TRIM48: variants seen among roughly 807,000 people sequenced by gnomAD.
TRIM48 encodes E3 ubiquitin-protein ligase TRIM48.
In TRIM48, 31 loss-of-function variants were observed where a neutral mutation model predicts 29.5. The ratio of observed to expected loss-of-function variants is 1.05; its 90% CI spans 0.79 to 1.42. The LOEUF (loss-of-function observed/expected upper bound fraction) is 1.42, where lower values mean the gene tolerates loss of function less well. Among genes scored for constraint, TRIM48 ranks in the 40% most tolerant of loss-of-function variants. The pLI is 0.00. For missense variants in TRIM48, 344 were observed against 265.0 expected (o/e 1.30, Z -2.07); for synonymous variants, 128 against 90.6 (o/e 1.41, Z -2.34).
In TRIM48 at chr11:55,269,355, C is replaced by A. The variant is rs377189577; in HGVS notation, c.*1+16C>A. 6.4e-6 allele frequency: 10 copies of A among 1,569,938 alleles called. No individual in the cohort carries two copies. The highest frequency in any genetic ancestry group is 8.6e-6 in the Non-Finnish European group (10 of 1,163,706). ...CAATTCTGAGGTAAGTCTCCACCCACAGGCAGCACCCCCACTATCTAAATA... is the reference window on the plus strand; with the variant it reads ...CAATTCTGAGGTAAGTCTCCACCCAAAGGCAGCACCCCCACTATCTAAATA... On this transcript the variant is annotated intron_variant, in intron 5 of 5. Transcript: ENST00000417545.
At chr11:55,266,984 C>T (rs563082469) in intron 3 of TRIM48, among the ~76,000 whole-genome samples, 5 of 147,764 alleles carry the variant, frequency 3.4e-5, no homozygotes, top group Admixed American at 6.9e-5. Flanking sequence ...ATGCATTTAG[C>T]TGGACATGTT....
chr11:55,266,728 T>C (rs960530605), intron 3 of TRIM48, among the ~76,000 whole-genome samples: 1 of 147,486 alleles, frequency 6.8e-6, no homozygotes, highest in Non-Finnish European at 1.5e-5. Flanking sequence ...AAAGTGTGTA[T>C]GGATATATAT....
rs192227388 is a variant in TRIM48, at chr11:55,270,536, A to T, written c.*101A>T. The T allele has an allele frequency of 6.3e-7, 1 of 1,582,472 alleles. No homozygotes were observed. The highest frequency in any genetic ancestry group is 1.7e-5 in the Admixed American group (1 of 58,330). On this transcript the variant is annotated 3_prime_UTR_variant, in exon 6 of 6. Coordinates refer to ENST00000417545, the MANE Select transcript of TRIM48 (RefSeq NM_024114.5). Reference sequence around the variant, plus strand: ...GGATGTGACCGTCAAAATCCGCCCCATATCACTGCAACACCTACAAGTTTT... The same window carrying T: ...GGATGTGACCGTCAAAATCCGCCCCTTATCACTGCAACACCTACAAGTTTT...
At position 55,262,169 on chromosome 11, in the gene TRIM48, G is replaced by A. The variant is rs1857311105; in HGVS notation, c.-99G>A. ...GAGACAAGCTCAGTTTTCTCCAAAGGAGAAGGAGTGCACTTAGAGGGAGCT... is the reference window on the plus strand; with the variant it reads ...GAGACAAGCTCAGTTTTCTCCAAAGAAGAAGGAGTGCACTTAGAGGGAGCT... On this transcript the variant is annotated 5_prime_UTR_variant, in exon 1 of 6. Transcript: ENST00000417545. The A allele has an allele frequency of 1.1e-6, 1 of 905,994 alleles. No homozygotes were observed. Among genetic ancestry groups the A allele is most frequent in the Non-Finnish European group, 1.8e-6 (1 of 561,692 alleles). 56.1% of individuals were successfully genotyped at this position (905,994 alleles called of 1,614,324 possible).
Position 55,269,094 on chromosome 11 carries a change from G to A in TRIM48, c.579-148G>A, listed in dbSNP as rs554621098. The A allele has an allele frequency of 4.7e-6, 6 of 1,278,938 alleles. No individual in the cohort carries two copies. In the Admixed American group the frequency reaches 1.1e-4, roughly 24 times the overall value. 79.2% of individuals were successfully genotyped at this position (1,278,938 alleles called of 1,614,324 possible). On this transcript the variant is annotated intron_variant, in intron 4 of 5. Transcript: ENST00000417545. ...CTTTAAAATTTGGAAACTGTAAATA[G>A]AAATTAATTCCAAAAAGGAAGGAAT...
At chr11:55,267,040 A>G (rs2867252) in intron 3 of TRIM48, among the ~76,000 whole-genome samples, 1 of 148,128 alleles carries the variant, frequency 6.8e-6, no homozygotes, top group African/African-American at 2.5e-5. Flanking sequence ...AACTTGTTAC[A>G]TATCTCAGAA....
At chr11:55,265,476 A>G in intron 2 of TRIM48, 124 bp from the exon 3 acceptor site, 2 of 1,479,176 alleles carry the variant, frequency 1.4e-6, no homozygotes, top group Non-Finnish European at 1.8e-6. Flanking sequence ...GGAAGAAGTG[A>G]AACAGAAGAA....
At position 55,265,334 on chromosome 11, in the gene TRIM48, A is replaced by T. The variant is rs1210081211; in HGVS notation, c.459+20A>T. On this transcript the variant is annotated intron_variant, in intron 2 of 5. Transcript: ENST00000417545. ...CACTGGGTAAGTGATGCCTCTGAAG[A>T]TCTATTTCTATAAAGGACACATGAA... is the stretch of plus-strand genomic sequence containing the variant. 6.3e-6 allele frequency: 10 copies of T among 1,581,554 alleles called. 3 individuals are homozygous for T. In the East Asian group the frequency reaches 7.3e-5, roughly 11 times the overall value.
chr11:55,266,116 T>C (rs953678359), intron 3 of TRIM48, among the ~76,000 whole-genome samples: 2 of 147,274 alleles, frequency 1.4e-5, no homozygotes, highest in African/African-American at 5.0e-5. Context: ...TGGAATTGCA[T>C]GGAAAATTTG....
rs569618460 is a variant in TRIM48 at position 55,270,844 on chromosome 11, G to A, written c.*409G>A. The A allele has an allele frequency of 3.7e-4, 574 of 1,570,672 alleles. 56 individuals carry two copies. Among genetic ancestry groups the A allele is most frequent in the Non-Finnish European group, 4.6e-4 (535 of 1,155,226 alleles). On this transcript the variant is annotated 3_prime_UTR_variant, in exon 6 of 6. Transcript: ENST00000417545. The stretch of plus-strand genomic sequence containing the variant: ...TTGTGAAGCTAGAACTGTGAGCTTC[G>A]TTGATGTTAGTCAAAGCTCCCCTAT...
intron 3 of TRIM48, among the ~76,000 whole-genome samples, chr11:55,266,352 G>T (rs1857392510): frequency 6.8e-6 from 1 of 147,276 alleles, no homozygotes; most frequent in Non-Finnish European, 1.5e-5. Context: ...CCTCTTTGTG[G>T]ATGTATACTC....
At position 55,270,508 on chromosome 11, in the gene TRIM48, A is replaced by G. The variant is rs1055321944; in HGVS notation, c.*73A>G. The G allele has an allele frequency of 4.4e-6, 7 of 1,577,712 alleles. 1 individual carries two copies. The African/African-American group carries it at 9.5e-5, about 22-fold the overall frequency. On this transcript the variant is annotated 3_prime_UTR_variant, in exon 6 of 6. Transcript: ENST00000417545. The stretch of plus-strand genomic sequence containing the variant: ...ATGTGGAGATTTGAGAAGCATTTGT[A>G]TTGGATGTGACCGTCAAAATCCGCC...
At chr11:55,262,605 G>A (rs1449729045) in intron 1 of TRIM48, among the ~76,000 whole-genome samples, 1 of 152,060 alleles carries the variant, frequency 6.6e-6, no homozygotes, top group African/African-American at 2.4e-5. Context: ...ACATAGGTGT[G>A]TGTAAATATA....
In TRIM48 at chr11:55,269,320, C is replaced by A; in HGVS notation, c.657C>A (p.Asp219Glu). The change falls in exon 5 of 6, where the codon GAC (aspartate) becomes GAA (glutamate). Residue 219 changes from aspartate (D) to glutamate (E), a missense_variant. Transcript: ENST00000417545. ...LRAGPITGLR[D>E]RLNQF ...CAGGGCCCATCACTGGACTGAGGGA[C>A]AGGCTCAACCAATTCTGAGGTAAGT... The A allele has an allele frequency of 6.3e-7, 1 of 1,575,586 alleles. No homozygotes were observed. Among genetic ancestry groups the A allele is most frequent in the Admixed American group, 1.7e-5 (1 of 58,508 alleles).
In TRIM48 at chr11:55,264,750, G is replaced by A. The variant is rs1317433762; in HGVS notation, c.45-150G>A. ...TAAAGCCGGGAGACTCTCTGTGTGA[G>A]ATTTTTATTTTTGTTACAGAAGAAA... is the stretch of plus-strand genomic sequence containing the variant. On this transcript the variant is annotated intron_variant, in intron 1 of 5. Transcript: ENST00000417545. 3.6e-5 allele frequency: 48 copies of A among 1,335,518 alleles called. 3 individuals carry two copies. Among genetic ancestry groups the A allele is most frequent in the African/African-American group, 1.2e-4 (8 of 67,254 alleles). The allele number at this position is 1,335,518 out of a possible 1,614,324, so 82.7% of individuals were successfully genotyped here. A position where few individuals can be genotyped will look rare whatever the true frequency, so the allele number is the denominator to read the frequency against.
In TRIM48 at chr11:55,270,777, G is replaced by A. The variant is rs1316673130; in HGVS notation, c.*342G>A. ...TTACCACCTCCCCAATTACACTGCAGTATGTCCCAAGACCTACCAACCATG... is the reference window on the plus strand; with the variant it reads ...TTACCACCTCCCCAATTACACTGCAATATGTCCCAAGACCTACCAACCATG... On this transcript the variant is annotated 3_prime_UTR_variant, in exon 6 of 6. Coordinates refer to ENST00000417545, the MANE Select transcript of TRIM48 (RefSeq NM_024114.5). 8.3e-6 allele frequency: 13 copies of A among 1,574,328 alleles called. 1 individual carries two copies. Among genetic ancestry groups the A allele is most frequent in the Middle Eastern group, 1.7e-4 (1 of 5,858 alleles).
Position 55,269,385 on chromosome 11 carries a change from T to G in TRIM48, c.*1+46T>G, listed in dbSNP as rs370055045. ...AGCACCCCCACTATCTAAATATTAT[T>G]ATTGTTAGGATCACATAGGTAATAT... is the stretch of plus-strand genomic sequence containing the variant. On this transcript the variant is annotated intron_variant, in intron 5 of 5. Coordinates refer to ENST00000417545, the MANE Select transcript of TRIM48 (RefSeq NM_024114.5). 2.7e-4 allele frequency: 422 copies of G among 1,552,638 alleles called. 39 individuals are homozygous for G. Among genetic ancestry groups the G allele is most frequent in the Non-Finnish European group, 3.5e-4 (402 of 1,152,218 alleles).
rs1287274978 is a variant in TRIM48, at chr11:55,270,468, C to T, written c.*33C>T. On this transcript the variant is annotated 3_prime_UTR_variant, in exon 6 of 6. Transcript: ENST00000417545. ...TTACTCTGCATCACAATGAAGCCAA[C>T]AGTCATATCTTCCGATGTGGAGATT... The T allele has an allele frequency of 5.2e-6, 8 of 1,546,436 alleles. No homozygotes were observed. In the African/African-American group the frequency reaches 5.5e-5, roughly 11 times the overall value.
chr11:55,269,153 G>A lies in TRIM48; in HGVS notation c.579-89G>A, dbSNP rs1590623347. 1.3e-5 allele frequency: 19 copies of A among 1,472,904 alleles called. 1 individual carries two copies. Among genetic ancestry groups the A allele is most frequent in the Middle Eastern group, 4.9e-4 (2 of 4,086 alleles). The allele number at this position is 1,472,904 out of a possible 1,614,324, so 91.2% of individuals were successfully genotyped here. ...AATTATCAAATTTGTGGGTTCAAAG[G>A]ATTCTCATGAAATGTCTTTTAAACA... On this transcript the variant is annotated intron_variant, in intron 4 of 5. Transcript: ENST00000417545.
Sources: gnomAD v4.1 joint callset for allele counts (sites outside exome capture counted in the v4.1 genomes callset) on GRCh38, gnomAD v4.1.1 for gene constraint, MANE v1.5 for transcripts, NCBI Gene and HGNC (gene_info 2026-07-23, HGNC 2026-07-21) for gene names.